The following TNIP3 variants were observed in gnomAD, a reference collection of about 807,000 sequenced individuals.
The protein encoded by TNIP3 is TNFAIP3-interacting protein 3.
TNIP3 carries 34 observed loss-of-function variants against 54.1 expected under a neutral mutation model. That is an observed-to-expected ratio of 0.63 (90% CI 0.48 to 0.84). The LOEUF (loss-of-function observed/expected upper bound fraction) is 0.84, where lower values mean the gene tolerates loss of function less well. Among genes scored for constraint, TNIP3 ranks in the 40% least tolerant of loss-of-function variants. The probability of loss-of-function intolerance (pLI) is 0.00; values close to 1 mark genes in which losing one functional copy is unlikely to be tolerated. For synonymous variants in TNIP3, 134 were observed against 136.8 expected, an observed-to-expected ratio of 0.98 and a Z score of 0.14; for missense variants, 366 against 387.6, an observed-to-expected ratio of 0.94 and a Z score of 0.47.
intron 5 of TNIP3, among the ~76,000 whole-genome samples, chr4:121,151,711 T>G (rs190423658): frequency 6.6e-6 from 1 of 152,326 alleles, no homozygotes; most frequent in African/African-American, 2.4e-5. Flanking sequence ...AGACTACTTT[T>G]GTAGATCTTG....
At chr4:121,154,304 G>A (rs1729945301) in intron 5 of TNIP3, 1 of 455,944 alleles carries the variant, frequency 2.2e-6, no homozygotes, top group Non-Finnish European at 3.9e-6. Flanking sequence ...TACTGTCTCT[G>A]TAATTCCTCC....
intron 2 of TNIP3, among the ~76,000 whole-genome samples, chr4:121,201,703 T>A (rs891687820): frequency 2.0e-5 from 3 of 152,210 alleles, no homozygotes; most frequent in Admixed American, 1.3e-4. Context: ...GGCAATTACT[T>A]AGCTCATTCA....
chr4:121,155,413 T>C (rs1301400567), intron 4 of TNIP3, among the ~76,000 whole-genome samples: 1 of 152,242 alleles, frequency 6.6e-6, no homozygotes, highest in Non-Finnish European at 1.5e-5. Flanking sequence ...TGCATCATTC[T>C]GTATTAGAAA....
At chr4:121,161,573 A>G (rs1027644657) in intron 1 of TNIP3, among the ~76,000 whole-genome samples, 1 of 152,156 alleles carries the variant, frequency 6.6e-6, no homozygotes, top group African/African-American at 2.4e-5. Context: ...AGTTTCATGG[A>G]TATATTTTAG....
chr4:121,220,140 A>G (rs577482855), upstream of TNIP3, among the ~76,000 whole-genome samples: 34 of 152,328 alleles, frequency 2.2e-4, no homozygotes, highest in African/African-American at 8.2e-4. Flanking sequence ...ATTTTTTAGA[A>G]ATGACATTAT....
chr4:121,222,967 G>A (rs954232314), intron 1 of TNIP3, among the ~76,000 whole-genome samples: 6 of 151,888 alleles, frequency 4.0e-5, no homozygotes, highest in Admixed American at 3.3e-4. Context: ...CACCACGCCC[G>A]CCTAATTTTT....
chr4:121,141,023 A>C (rs1326563956), intron 9 of TNIP3, among the ~76,000 whole-genome samples: 1 of 152,242 alleles, frequency 6.6e-6, no homozygotes, highest in Admixed American at 6.5e-5. Flanking sequence ...TTCTGGTAGG[A>C]AAATCCCAGT....
At chr4:121,144,962 C>A (rs1005390996) in intron 7 of TNIP3, among the ~76,000 whole-genome samples, 1 of 152,132 alleles carries the variant, frequency 6.6e-6, no homozygotes, top group South Asian at 2.1e-4. Flanking sequence ...GGCAGGAACA[C>A]CAAGTCTTTT....
At chr4:121,146,730 A>G (rs1254057638) in intron 7 of TNIP3, among the ~76,000 whole-genome samples, 2 of 152,158 alleles carry the variant, frequency 1.3e-5, no homozygotes, top group African/African-American at 4.8e-5. Context: ...AAACCACTTC[A>G]CTTTATTTGA....
At chr4:121,162,343 A>G (rs766009783) in intron 1 of TNIP3, among the ~76,000 whole-genome samples, 4 of 152,206 alleles carry the variant, frequency 2.6e-5, no homozygotes, top group Admixed American at 6.5e-5. Context: ...TCCTATTTAG[A>G]CCTATGTTAC....
chr4:121,214,161 CTT>C (rs991356155), intron 2 of TNIP3, among the ~76,000 whole-genome samples: 5 of 152,090 alleles, frequency 3.3e-5, no homozygotes, highest in African/African-American at 1.2e-4. Context: ...CGCCTCTTGT[CTT>C]TATTCTTCTT....
intron 2 of TNIP3, among the ~76,000 whole-genome samples, chr4:121,197,687 C>T (rs1392976928): frequency 3.3e-5 from 5 of 151,970 alleles, no homozygotes; most frequent in Non-Finnish European, 7.4e-5. Flanking sequence ...GAAAACTAAA[C>T]ATAAACAAAA....
At chr4:121,153,615 C>T (rs943083515) in intron 5 of TNIP3, among the ~76,000 whole-genome samples, 6 of 152,174 alleles carry the variant, frequency 3.9e-5, no homozygotes, top group Admixed American at 3.9e-4. Context: ...TGAAGAATAA[C>T]TTGTCCCACA....
intron 1 of TNIP3, 22 bp downstream of exon 1, chr4:121,164,038 T>C (rs765040751): frequency 1.2e-6 from 2 of 1,612,918 alleles, no homozygotes; most frequent in Non-Finnish European, 1.7e-6. Flanking sequence ...GATCAACTCA[T>C]CTCCTAGAAA....
intron 2 of TNIP3, among the ~76,000 whole-genome samples, chr4:121,196,349 G>A (rs746980220): frequency 1.3e-5 from 2 of 152,184 alleles, no homozygotes; most frequent in South Asian, 2.1e-4. Flanking sequence ...GATAATGGTA[G>A]AGGTAGGTCT....
Position 121,138,035 on chromosome 4 carries a change from T to C in TNIP3, c.946+589A>G, listed in dbSNP as rs190826367. ...CAGATTCTAGAAAGAAAACAGAAAA[T>C]GTTAAATCAATAAAAAATAAGATTT... On this transcript the variant is annotated intron_variant, in intron 10 of 10. Transcript: ENST00000057513. 846 of 448,258 alleles carry C rather than the reference T, an allele frequency of 1.9e-3. 2 individuals are homozygous for C. Among genetic ancestry groups the C allele is most frequent in the Middle Eastern group, 8.7e-3 (25 of 2,874 alleles). 27.8% of individuals were successfully genotyped at this position (448,258 alleles called of 1,614,324 possible).
chr4:121,145,893 C>G (rs1052070629), intron 7 of TNIP3, among the ~76,000 whole-genome samples: 5 of 151,350 alleles, frequency 3.3e-5, no homozygotes, highest in African/African-American at 1.2e-4. Flanking sequence ...AGGAGACTAG[C>G]TTGAACCTGG....
At chr4:121,145,330 G>GA (rs962621410) in intron 7 of TNIP3, among the ~76,000 whole-genome samples, 1 of 152,024 alleles carries the variant, frequency 6.6e-6, no homozygotes, top group African/African-American at 2.4e-5. Context: ...TTATTTTAAA[G>GA]AAAAAATTTC....
At chr4:121,217,302 C>G (rs569586734), upstream of TNIP3, among the ~76,000 whole-genome samples, 25 of 152,194 alleles carry the variant, frequency 1.6e-4, no homozygotes, top group Non-Finnish European at 2.4e-4. Flanking sequence ...AGGAGTTAGG[C>G]CCATGGGAAA....
Sources: allele counts gnomAD v4.1 joint callset (sites outside exome capture counted in the v4.1 genomes callset), GRCh38; gene constraint gnomAD v4.1.1; transcripts MANE v1.5; gene names NCBI Gene and HGNC (gene_info 2026-07-23, HGNC 2026-07-21).